PIK3R4: variants seen among roughly 807,000 people sequenced by gnomAD.
PIK3R4 encodes the protein phosphoinositide-3-kinase regulatory subunit 4, also known as phosphoinositide 3-kinase regulatory subunit 4.
Under a neutral mutation model 136.5 loss-of-function variants are expected in PIK3R4, and 46 were observed. That is an observed-to-expected ratio of 0.34 (90% confidence interval 0.27 to 0.43). PIK3R4 has a LOEUF of 0.43. Among genes scored for constraint, PIK3R4 ranks in the 20% least tolerant of loss-of-function variants. PIK3R4 has a pLI of 1.00. For synonymous variants in PIK3R4, 557 were observed against 566.7 expected, an observed-to-expected ratio of 0.98 and a Z score of 0.24; for missense variants, 1,331 against 1,649.5, an observed-to-expected ratio of 0.81 and a Z score of 3.35.
chr3:130,732,005 G>A (rs1397726856), intron 4 of PIK3R4, among the ~76,000 whole-genome samples: 1 of 152,110 alleles, frequency 6.6e-6, no homozygotes, highest in Non-Finnish European at 1.5e-5. Flanking sequence ...AACAATGCAA[G>A]GTGCTGGCAC....
intron 14 of PIK3R4, among the ~76,000 whole-genome samples, chr3:130,688,339 T>C (rs2107600936): frequency 6.6e-6 from 1 of 152,308 alleles, no homozygotes; most frequent in South Asian, 2.1e-4. Context: ...AACGTTTGAG[T>C]TGAGTTCCTT....
chr3:130,736,946 A>C (rs755595077), intron 2 of PIK3R4, among the ~76,000 whole-genome samples: 1 of 152,234 alleles, frequency 6.6e-6, no homozygotes, highest in Non-Finnish European at 1.5e-5. Context: ...CACTTATATA[A>C]TCTTCAAACC....
At chr3:130,740,891 A>G (rs1187513914) in intron 2 of PIK3R4, among the ~76,000 whole-genome samples, 1 of 152,182 alleles carries the variant, frequency 6.6e-6, no homozygotes, top group Non-Finnish European at 1.5e-5. Flanking sequence ...AATGTTAACA[A>G]TAGGTGAATC....
At chr3:130,690,223 A>G (rs894804608) in intron 14 of PIK3R4, among the ~76,000 whole-genome samples, 1 of 152,206 alleles carries the variant, frequency 6.6e-6, no homozygotes, top group Non-Finnish European at 1.5e-5. Flanking sequence ...CTGCAAGTTC[A>G]AAGCTGCCCC....
intron 14 of PIK3R4, among the ~76,000 whole-genome samples, chr3:130,687,173 C>T (rs565191974): frequency 6.6e-6 from 1 of 151,760 alleles, no homozygotes; most frequent in South Asian, 2.1e-4. Flanking sequence ...TCATATATAC[C>T]TTATACACCT....
At position 130,700,155 on chromosome 3, in the gene PIK3R4, A is replaced by T. The variant is rs773375151; in HGVS notation, c.3098+3568T>A. Among the ~76,000 whole-genome samples, 54 of 152,094 alleles carry T rather than the reference A, an allele frequency of 3.6e-4. 1 individual carries two copies. The highest frequency in any genetic ancestry group is 1.0e-4 in the Non-Finnish European group (7 of 68,004). The stretch of plus-strand genomic sequence containing the variant: ...CCTCTCTTCCTGTTCCAAAAATTTA[A>T]CTTCCTAAGATTCAGACATCAGGCT... On this transcript the variant is annotated intron_variant, in intron 13 of 19. Transcript: ENST00000356763.
chr3:130,698,347 T>C (rs934055135), intron 13 of PIK3R4, among the ~76,000 whole-genome samples: 1 of 152,250 alleles, frequency 6.6e-6, no homozygotes, highest in Non-Finnish European at 1.5e-5. Flanking sequence ...GTGAGAATGC[T>C]TGATAGTGCA....
intron 19 of PIK3R4, 60 bp from the exon 20 acceptor site, chr3:130,679,545 C>T: frequency 8.2e-7 from 1 of 1,222,434 alleles, no homozygotes; most frequent in Admixed American, 2.0e-5. Context: ...CATTTTTCCT[C>T]TCGTCAGTAG....
At chr3:130,713,821 C>T (rs2066645762) in intron 9 of PIK3R4, among the ~76,000 whole-genome samples, 1 of 152,068 alleles carries the variant, frequency 6.6e-6, no homozygotes, top group South Asian at 2.1e-4. Flanking sequence ...CACAGGTGCC[C>T]ACCACCATGC....
At chr3:130,730,879 A>T (rs2066757030) in intron 4 of PIK3R4, among the ~76,000 whole-genome samples, 1 of 152,188 alleles carries the variant, frequency 6.6e-6, no homozygotes, top group Non-Finnish European at 1.5e-5. Context: ...GCCACTTACT[A>T]ACTTGACCAT....
At chr3:130,699,203 G>A in intron 13 of PIK3R4, among the ~76,000 whole-genome samples, 1 of 152,186 alleles carries the variant, frequency 6.6e-6, no homozygotes, top group East Asian at 1.9e-4. Context: ...CTGTCAGCCT[G>A]CTGATGCCAC....
chr3:130,734,900 A>G (rs2066777831), intron 3 of PIK3R4, among the ~76,000 whole-genome samples: 1 of 152,240 alleles, frequency 6.6e-6, no homozygotes, highest in Non-Finnish European at 1.5e-5. Context: ...AGAGCTTAGT[A>G]GTGAACATGG....
chr3:130,688,122 A>G (rs2066498795), intron 14 of PIK3R4, among the ~76,000 whole-genome samples: 2 of 152,196 alleles, frequency 1.3e-5, no homozygotes, highest in South Asian at 4.1e-4. Context: ...GTCCATACTG[A>G]TAATCTCCAA....
At chr3:130,686,529 T>A (rs902703051) in intron 14 of PIK3R4, 107 bp from the exon 15 acceptor site, 6 of 679,200 alleles carry the variant, frequency 8.8e-6, no homozygotes, top group Admixed American at 5.7e-5. Context: ...ACCAGAGCTA[T>A]GTGACTCTAT....
chr3:130,725,132 T>G (rs2107616273), intron 6 of PIK3R4, among the ~76,000 whole-genome samples: 1 of 151,964 alleles, frequency 6.6e-6, no homozygotes, highest in East Asian at 1.9e-4. Context: ...CAAACTGAAA[T>G]GTACAATGAG....
In PIK3R4 at chr3:130,679,263, G is replaced by T; in HGVS notation, c.*52C>A. 1 of 1,117,104 alleles carries T rather than the reference G, an allele frequency of 9.0e-7. No homozygotes were observed. Among genetic ancestry groups the T allele is most frequent in the South Asian group, 2.1e-5 (1 of 47,700 alleles). The allele number at this position is 1,117,104 out of a possible 1,614,324, so 69.2% of individuals were successfully genotyped here. ...CTGTTCTCTAGAAATGCCTTTTCTC[G>T]AGTTATAGTATTATATTTATAACTA... On this transcript the variant is annotated 3_prime_UTR_variant, in exon 20 of 20. Coordinates refer to ENST00000356763, the MANE Select transcript of PIK3R4 (RefSeq NM_014602.3).
chr3:130,741,505 T>C (rs915519213), intron 2 of PIK3R4, among the ~76,000 whole-genome samples: 1 of 152,224 alleles, frequency 6.6e-6, no homozygotes, highest in African/African-American at 2.4e-5. Context: ...TTCTGAAAGA[T>C]GTTATTGGGT....
chr3:130,700,010 T>C (rs1226477815), intron 13 of PIK3R4, among the ~76,000 whole-genome samples: 12 of 152,210 alleles, frequency 7.9e-5, no homozygotes, highest in African/African-American at 2.4e-4. Context: ...TATGAGGTTT[T>C]CATGCTAGTA....
At chr3:130,725,756 A>G (rs549082283) in intron 6 of PIK3R4, 11 of 152,210 alleles carry the variant, frequency 7.2e-5, no homozygotes, top group South Asian at 2.1e-4. Context: ...CAAGAAAAGC[A>G]TAAGTATCAG....
Sources: gnomAD v4.1 joint callset for allele counts (sites outside exome capture counted in the v4.1 genomes callset) on GRCh38, gnomAD v4.1.1 for gene constraint, MANE v1.5 for transcripts, NCBI Gene and HGNC (gene_info 2026-07-23, HGNC 2026-07-21) for gene names.